The following DHX34 variants were observed in gnomAD, a reference collection of about 807,000 sequenced individuals.
DHX34 encodes probable ATP-dependent RNA helicase DHX34.
In DHX34, 96 loss-of-function variants were observed where a neutral mutation model predicts 111.1. The observed-to-expected ratio is 0.86, with a 90% CI of 0.73 to 1.02. The LOEUF (loss-of-function observed/expected upper bound fraction) is 1.02. DHX34 is among the 50% of genes least tolerant of loss of function. The pLI is 0.00. For missense variants in DHX34, 1,560 were observed against 1,579.9 expected (o/e 0.99, Z 0.21); for synonymous variants, 688 against 670.4 (o/e 1.03, Z -0.41).
rs1169486834 is a variant in DHX34 at position 47,382,116 on chromosome 19, T to C, written c.*3T>C. On this transcript the variant is annotated 3_prime_UTR_variant, in exon 17 of 17. Transcript: ENST00000328771. ...GCCACCGGAAGCAGCACGTGTGAGC[T>C]GGGCCAGGAGCCCTGCCCACCTCCG... 6.2e-7 allele frequency: 1 copy of C among 1,613,802 alleles called. No individual in the cohort carries two copies. The highest frequency in any genetic ancestry group is 1.1e-5 in the South Asian group (1 of 91,080).
chr19:47,380,766 G>A (rs372902560), intron 14 of DHX34, 50 bp from the exon 15 acceptor site: 126 of 1,608,138 alleles, frequency 7.8e-5, no homozygotes, highest in Admixed American at 6.6e-4. Context: ...GTGCTTTGGC[G>A]GCATCTCCCT....
At chr19:47,375,804 A>C in intron 10 of DHX34, 96 bp downstream of exon 10, 10 of 1,549,854 alleles carry the variant, frequency 6.5e-6, no homozygotes, top group Non-Finnish European at 8.7e-6. Context: ...TCCTCATTTC[A>C]GGAGCCGGGT....
intron 13 of DHX34, 102 bp from the exon 14 acceptor site, chr19:47,379,608 A>C: frequency 6.7e-7 from 1 of 1,495,946 alleles, no homozygotes; most frequent in Non-Finnish European, 8.9e-7. Flanking sequence ...CCTCACATAG[A>C]CAGGGCTGGT....
At chr19:47,354,028 T>C (rs902033859) in intron 2 of DHX34, among the ~76,000 whole-genome samples, 2 of 152,186 alleles carry the variant, frequency 1.3e-5, no homozygotes, top group African/African-American at 4.8e-5. Flanking sequence ...ATTGGTGCGA[T>C]CTTGGCTGAC....
intron 11 of DHX34, 23 bp downstream of exon 11, chr19:47,376,120 C>G: frequency 6.5e-7 from 1 of 1,530,818 alleles, no homozygotes; most frequent in Non-Finnish European, 8.8e-7. Flanking sequence ...CTGCCCCATC[C>G]TATGTTTTGT....
chr19:47,379,911 G>A lies in DHX34; in HGVS notation c.2908G>A (p.Glu970Lys). ...GGCCCAGCAGCAGCTGGAGGAGGAG[G>A]AGGAGGATACGCCAGTCAGCCCCAA... ...HQAQQQLEEE[E>K]EDTPVSPKEV... is the part of the protein sequence containing the mutation. The change falls in exon 14 of 17, where the codon GAG (glutamate) becomes AAG (lysine). Residue 970 changes from glutamate (E) to lysine (K), a missense_variant. Transcript: ENST00000328771. 1 of 1,613,072 alleles carries A rather than the reference G, an allele frequency of 6.2e-7. No individual in the cohort carries two copies. Among genetic ancestry groups the A allele is most frequent in the Non-Finnish European group, 8.5e-7 (1 of 1,179,350 alleles).
At chr19:47,365,684 A>T (rs1024307988) in intron 6 of DHX34, among the ~76,000 whole-genome samples, 2 of 152,192 alleles carry the variant, frequency 1.3e-5, no homozygotes, top group African/African-American at 4.8e-5. Flanking sequence ...AAGCCAGGCA[A>T]ACAGACTTCT....
chr19:47,367,671 C>T lies in DHX34; in HGVS notation c.1768+516C>T, dbSNP rs569120585. On this transcript the variant is annotated intron_variant, in intron 7 of 16. Transcript: ENST00000328771. ...TTGGGAGGCTGAGGCAGGTAGATCACGAGGTCAGCAGTTCGAGACCAGCCT... is the reference window on the plus strand; with the variant it reads ...TTGGGAGGCTGAGGCAGGTAGATCATGAGGTCAGCAGTTCGAGACCAGCCT... Among the ~76,000 whole-genome samples, 915 of 152,116 alleles carry T rather than the reference C, an allele frequency of 6.0e-3. 6 individuals are homozygous for T. Among genetic ancestry groups the T allele is most frequent in the Non-Finnish European group, 9.5e-3 (647 of 67,990 alleles).
chr19:47,379,134 A>G (rs1970264239), intron 13 of DHX34, among the ~76,000 whole-genome samples: 1 of 150,410 alleles, frequency 6.6e-6, no homozygotes, highest in Admixed American at 6.6e-5. Context: ...TCTCAAATAA[A>G]TAAATAAATT....
At position 47,355,309 on chromosome 19, in the gene DHX34, G is replaced by T. The variant is rs554208471; in HGVS notation, c.976G>T (p.Ala326Ser). ...GCTCTTCTCCAGCTATTTCAGCAAT[G>T]CCCCTGTGGTACAGGTGCCTGGGAG... is the stretch of plus-strand genomic sequence containing the variant. ...ISLFSSYFSNAPVVQVPGRLF... is the reference protein window; with the variant it reads ...ISLFSSYFSNSPVVQVPGRLF... The change falls in exon 3 of 17, where the codon GCC becomes TCC. Residue 326 changes from alanine to serine, a missense_variant. Ala to Ser is a moderately conservative substitution (Grantham distance 99). Coordinates refer to ENST00000328771, the MANE Select transcript of DHX34 (RefSeq NM_014681.6). 5.0e-6 allele frequency: 8 copies of T among 1,614,050 alleles called. No homozygotes were observed. In the South Asian group the frequency reaches 8.8e-5, roughly 18 times the overall value.
rs1970130975 is a variant in DHX34, at chr19:47,375,800, T to G, written c.2307+92T>G. 2.6e-6 allele frequency: 4 copies of G among 1,551,816 alleles called. No individual in the cohort carries two copies. In the Admixed American group the frequency reaches 8.9e-5, roughly 34 times the overall value. ...CCCAGGGGACATGGCCCTGTCCTCA[T>G]TTCAGGAGCCGGGTTTCCATGGACG... On this transcript the variant is annotated intron_variant, in intron 10 of 16. Transcript: ENST00000328771.
In DHX34 at chr19:47,382,198, C is replaced by A; in HGVS notation, c.*85C>A. 2 of 1,557,294 alleles carry A rather than the reference C, an allele frequency of 1.3e-6. No homozygotes were observed. On this transcript the variant is annotated 3_prime_UTR_variant, in exon 17 of 17. Coordinates refer to ENST00000328771, the MANE Select transcript of DHX34 (RefSeq NM_014681.6). ...GGGGCAGGACTCTTGCCTGAACCCCCAGCCTGGGCTTAGCCCTGTGGTCCT... is the reference window on the plus strand; with the variant it reads ...GGGGCAGGACTCTTGCCTGAACCCCAAGCCTGGGCTTAGCCCTGTGGTCCT...
rs1969839477 is a variant in DHX34, at chr19:47,367,870, T to TG, written c.1768+718dup. 2.5e-5 allele frequency among the ~76,000 whole-genome samples: 3 copies of TG among 121,124 alleles called. No individual in the cohort carries two copies. In the South Asian group the frequency reaches 7.5e-4, roughly 30 times the overall value. 79.5% of individuals were successfully genotyped at this position (121,124 alleles called of 152,430 possible). ...GAGACCATGCCATTGTACTCTAGCCTGGGCGACAGAGCGAGACTCCATCTC... is the reference window on the plus strand; with the variant it reads ...GAGACCATGCCATTGTACTCTAGCCTGGGGCGACAGAGCGAGACTCCATCTC... On this transcript the variant is annotated intron_variant, in intron 7 of 16. Transcript: ENST00000328771.
At chr19:47,359,946 C>T in intron 4 of DHX34, 22 bp from the exon 5 acceptor site, 1 of 1,613,932 alleles carries the variant, frequency 6.2e-7, no homozygotes. Context: ...GTTCCTGACA[C>T]CACCCCCTCC....
At chr19:47,375,270 C>G in intron 9 of DHX34, 196 bp from the exon 10 acceptor site, 1 of 985,284 alleles carries the variant, frequency 1.0e-6, no homozygotes, top group Non-Finnish European at 1.2e-6. Context: ...TGCCCCTGGC[C>G]CCGGTGTTCC....
intron 5 of DHX34, 183 bp from the exon 6 acceptor site, chr19:47,362,289 AAGAT>A: frequency 1.2e-6 from 1 of 809,416 alleles, no homozygotes; most frequent in Non-Finnish European, 1.5e-6. Context: ...AAAAAAAAAA[AAGAT>A]GTGTGAGGAA....
At chr19:47,372,661 G>A (rs1970000544) in intron 7 of DHX34, 69 bp from the exon 8 acceptor site, 11 of 1,471,518 alleles carry the variant, frequency 7.5e-6, no homozygotes, top group Non-Finnish European at 9.9e-6. Context: ...GGCAGGCTGG[G>A]GCCCCGAGGG....
At chr19:47,360,668 G>A (rs974277180) in intron 5 of DHX34, among the ~76,000 whole-genome samples, 3 of 147,104 alleles carry the variant, frequency 2.0e-5, no homozygotes, top group Non-Finnish European at 4.5e-5. Flanking sequence ...TTGACATTCT[G>A]TTTGTTGTTG....
intron 6 of DHX34, among the ~76,000 whole-genome samples, chr19:47,363,013 C>T (rs1283144317): frequency 1.3e-5 from 2 of 151,984 alleles, no homozygotes; most frequent in East Asian, 1.9e-4. Context: ...TGCAGTGGTG[C>T]GATCTCGGCT....
Sources: allele counts gnomAD v4.1 joint callset (sites outside exome capture counted in the v4.1 genomes callset), GRCh38; gene constraint gnomAD v4.1.1; transcripts MANE v1.5; gene names NCBI Gene and HGNC (gene_info 2026-07-23, HGNC 2026-07-21).